Variants in ADGRL3 observed in about 807,000 individuals in gnomAD.
ADGRL3 encodes adhesion G protein-coupled receptor L3.
In ADGRL3, 62 loss-of-function variants were observed where a neutral mutation model predicts 153.5. That is an observed-to-expected ratio of 0.40 (90% CI 0.33 to 0.50). ADGRL3 has a LOEUF of 0.50. Among genes scored for constraint, ADGRL3 ranks in the 20% least tolerant of loss-of-function variants. ADGRL3 has a pLI of 0.47. For synonymous variants in ADGRL3, 710 were observed against 672.5 expected, an observed-to-expected ratio of 1.06 and a Z score of -0.86; for missense variants, 1,641 against 1,859.4, an observed-to-expected ratio of 0.88 and a Z score of 2.16.
At chr4:62,004,345 G>A (rs1020655945) in intron 21 of ADGRL3, among the ~76,000 whole-genome samples, 2 of 151,846 alleles carry the variant, frequency 1.3e-5, no homozygotes, top group African/African-American at 2.4e-5. Context: ...AAGCCTTTAT[G>A]AGAACAGTAA....
At chr4:61,287,175 A>G (rs1418189686) in intron 1 of ADGRL3, among the ~76,000 whole-genome samples, 2 of 151,938 alleles carry the variant, frequency 1.3e-5, no homozygotes, top group Non-Finnish European at 2.9e-5. Context: ...CACAATGTTT[A>G]CAGTTTTTGT....
intron 2 of ADGRL3, among the ~76,000 whole-genome samples, chr4:61,456,385 A>C (rs1292526802): frequency 8.7e-6 from 1 of 115,064 alleles, no homozygotes; most frequent in Non-Finnish European, 1.8e-5. Context: ...CTATATATAT[A>C]TATAGATATA....
intron 4 of ADGRL3, among the ~76,000 whole-genome samples, chr4:61,570,207 C>A (rs914077721): frequency 6.6e-6 from 1 of 152,032 alleles, no homozygotes; most frequent in Admixed American, 6.6e-5. Context: ...GTGAACTTAT[C>A]TTTGCTATCT....
At chr4:61,484,109 A>G (rs1179392516) in intron 2 of ADGRL3, among the ~76,000 whole-genome samples, 1 of 151,066 alleles carries the variant, frequency 6.6e-6, no homozygotes. Context: ...TTTTTTACTT[A>G]TTGTTTTCTC....
Position 61,497,101 on chromosome 4 carries a change from T to A in ADGRL3, c.-173-20T>A. 1 of 542,724 alleles carries A rather than the reference T, an allele frequency of 1.8e-6. No homozygotes were observed. Among genetic ancestry groups the A allele is most frequent in the Non-Finnish European group, 3.2e-6 (1 of 314,582 alleles). 33.6% of individuals were successfully genotyped at this position (542,724 alleles called of 1,614,324 possible). A position where few individuals can be genotyped will look rare whatever the true frequency, so the allele number is the denominator to read the frequency against. On this transcript the variant is annotated intron_variant, in intron 2 of 26. Transcript: ENST00000683033. ...CTTACTTATTTTATACAATAACCCT[T>A]TTTTTTTTCTTTTTTGCAGGTTTCA... is the stretch of plus-strand genomic sequence containing the variant.
chr4:61,747,758 A>G (rs2096687912), intron 8 of ADGRL3, among the ~76,000 whole-genome samples: 1 of 150,128 alleles, frequency 6.7e-6, no homozygotes, highest in Admixed American at 6.7e-5. Flanking sequence ...ATCATACTGA[A>G]TGGGCAAAAA....
At chr4:61,730,838 A>C (rs1381909542) in intron 7 of ADGRL3, among the ~76,000 whole-genome samples, 1 of 151,950 alleles carries the variant, frequency 6.6e-6, no homozygotes, top group Non-Finnish European at 1.5e-5. Context: ...TAGTAGTATA[A>C]AATTTTCAAC....
chr4:61,411,140 C>A (rs2097081889), intron 2 of ADGRL3, among the ~76,000 whole-genome samples: 1 of 152,038 alleles, frequency 6.6e-6, no homozygotes, highest in African/African-American at 2.4e-5. Flanking sequence ...TGTCTATAAA[C>A]CTATTCAGAT....
At chr4:61,628,168 A>G (rs997817950) in intron 5 of ADGRL3, among the ~76,000 whole-genome samples, 12 of 152,206 alleles carry the variant, frequency 7.9e-5, no homozygotes, top group African/African-American at 2.7e-4. Flanking sequence ...AAATATAAGT[A>G]CTAATATTGT....
At chr4:61,779,778 T>C (rs2097193949) in intron 8 of ADGRL3, among the ~76,000 whole-genome samples, 1 of 152,152 alleles carries the variant, frequency 6.6e-6, no homozygotes, top group South Asian at 2.1e-4. Flanking sequence ...TTTTTGTTGA[T>C]TGCCTTTATA....
intron 6 of ADGRL3, among the ~76,000 whole-genome samples, chr4:61,680,939 C>G (rs1031952255): frequency 6.6e-6 from 1 of 152,074 alleles, no homozygotes; most frequent in Non-Finnish European, 1.5e-5. Flanking sequence ...ATACTTTTCT[C>G]TGTTCCTAGC....
intron 8 of ADGRL3, among the ~76,000 whole-genome samples, chr4:61,749,749 A>G (rs959028709): frequency 7.9e-5 from 12 of 152,126 alleles, no homozygotes; most frequent in African/African-American, 2.9e-4. Flanking sequence ...TAGGAGATAT[A>G]CCTAATGCTA....
chr4:61,500,212 GA>G, intron 3 of ADGRL3, among the ~76,000 whole-genome samples: 1 of 152,096 alleles, frequency 6.6e-6, no homozygotes, highest in African/African-American at 2.4e-5. Context: ...ATATTATCTT[GA>G]GTTTTGAACC....
chr4:61,474,023 C>T (rs987335785), intron 2 of ADGRL3, among the ~76,000 whole-genome samples: 5 of 151,324 alleles, frequency 3.3e-5, no homozygotes, highest in South Asian at 2.1e-4. Flanking sequence ...AAAATCTTTG[C>T]AGAGGAAAAA....
At chr4:61,988,908 G>T (rs529153780) in intron 19 of ADGRL3, among the ~76,000 whole-genome samples, 109 of 152,176 alleles carry the variant, frequency 7.2e-4, no homozygotes, top group African/African-American at 2.5e-3. Context: ...AGTCCTAGAA[G>T]AATAGCCAAG....
intron 1 of ADGRL3, among the ~76,000 whole-genome samples, chr4:61,234,996 T>A (rs928357693): frequency 6.6e-6 from 1 of 152,074 alleles, no homozygotes; most frequent in Admixed American, 6.6e-5. Context: ...AGTGAAAACA[T>A]GAGGAAAACA....
In ADGRL3 at chr4:61,890,483, T is replaced by C. The variant is rs1156488563; in HGVS notation, c.1481-2173T>C. Among the ~76,000 whole-genome samples, 11 of 137,530 alleles carry C rather than the reference T, an allele frequency of 8.0e-5. No homozygotes were observed. The Admixed American group carries it at 8.4e-4, about 11-fold the overall frequency. 90.2% of individuals were successfully genotyped at this position (137,530 alleles called of 152,430 possible). Reference sequence around the variant, plus strand: ...TGGCAAAAGTCTTCCTGCTGCATCATCCCATGGCAGAAGGCAGAAGGGCAA... The same window carrying C: ...TGGCAAAAGTCTTCCTGCTGCATCACCCCATGGCAGAAGGCAGAAGGGCAA... On this transcript the variant is annotated intron_variant, in intron 9 of 26. Transcript: ENST00000683033.
chr4:61,661,924 A>G (rs559805796), intron 5 of ADGRL3, among the ~76,000 whole-genome samples: 1 of 152,372 alleles, frequency 6.6e-6, no homozygotes, highest in South Asian at 2.1e-4. Flanking sequence ...ACAAATGCCT[A>G]TTATTGAAAA....
At chr4:61,629,469 AG>A (rs1267770800) in intron 5 of ADGRL3, among the ~76,000 whole-genome samples, 1 of 151,916 alleles carries the variant, frequency 6.6e-6, no homozygotes, top group African/African-American at 2.4e-5. Flanking sequence ...CTGTAATCCC[AG>A]CACTATGGGA....
Sources: allele counts gnomAD v4.1 joint callset (sites outside exome capture counted in the v4.1 genomes callset), GRCh38; gene constraint gnomAD v4.1.1; transcripts MANE v1.5; gene names NCBI Gene and HGNC (gene_info 2026-07-23, HGNC 2026-07-21).